MOB3B: variants seen among roughly 807,000 people sequenced by gnomAD.
MOB3B encodes MOB kinase activator 3B, also known as MOB kinase activator-like 2B.
Under a neutral mutation model 18.7 loss-of-function variants are expected in MOB3B, and 7 were observed. The observed-to-expected ratio is 0.37, with a 90% confidence interval of 0.21 to 0.70. MOB3B has a LOEUF of 0.70. MOB3B is among the 30% of genes least tolerant of loss of function. The probability of loss-of-function intolerance (pLI) is 0.52; values close to 1 mark genes in which losing one functional copy is unlikely to be tolerated. For synonymous variants in MOB3B, 111 were observed against 99.9 expected (o/e 1.11, Z -0.66); for missense variants, 253 against 281.3 (o/e 0.90, Z 0.72).
intron 1 of MOB3B, among the ~76,000 whole-genome samples, chr9:27,460,437 G>T (rs1439619310): frequency 1.3e-5 from 2 of 152,210 alleles, no homozygotes; most frequent in African/African-American, 2.4e-5. Flanking sequence ...CAACGCACTG[G>T]CAAGGAAAGT....
chr9:27,452,525 G>T (rs773061114), intron 2 of MOB3B, among the ~76,000 whole-genome samples: 6 of 152,062 alleles, frequency 3.9e-5, no homozygotes, highest in Non-Finnish European at 5.9e-5. Flanking sequence ...AAAAGTACAG[G>T]TTCATAAAGA....
At chr9:27,396,521 C>A (rs1219261001) in intron 2 of MOB3B, among the ~76,000 whole-genome samples, 16 of 152,280 alleles carry the variant, frequency 1.1e-4, no homozygotes, top group Non-Finnish European at 2.2e-4. Flanking sequence ...AACCAAGGAG[C>A]CCTAAATGAT....
chr9:27,520,941 T>G (rs1198004471), intron 1 of MOB3B, among the ~76,000 whole-genome samples: 1 of 152,228 alleles, frequency 6.6e-6, no homozygotes, highest in Non-Finnish European at 1.5e-5. Flanking sequence ...TGTTCTATAT[T>G]TTTATCTGCT....
intron 2 of MOB3B, among the ~76,000 whole-genome samples, chr9:27,430,133 T>G (rs1244738677): frequency 1.3e-5 from 2 of 152,198 alleles, no homozygotes; most frequent in Non-Finnish European, 2.9e-5. Context: ...CACTACTCCT[T>G]GACCTGGTAC....
chr9:27,473,138 G>A (rs1265234446), intron 1 of MOB3B, among the ~76,000 whole-genome samples: 3 of 152,152 alleles, frequency 2.0e-5, no homozygotes, highest in Non-Finnish European at 4.4e-5. Flanking sequence ...GACAGACAAG[G>A]GTAGTATGGC....
chr9:27,345,560 T>C (rs941337601), intron 3 of MOB3B, among the ~76,000 whole-genome samples: 1 of 152,160 alleles, frequency 6.6e-6, no homozygotes, highest in Admixed American at 6.5e-5. Context: ...TGCATGGTGG[T>C]TGCCCCCACA....
intron 3 of MOB3B, among the ~76,000 whole-genome samples, chr9:27,332,870 A>G (rs1227192939): frequency 6.6e-6 from 1 of 152,224 alleles, no homozygotes; most frequent in Non-Finnish European, 1.5e-5. Context: ...TGCTCTTTCT[A>G]CTACACCATG....
intron 2 of MOB3B, among the ~76,000 whole-genome samples, chr9:27,445,559 C>G (rs190552187): frequency 6.6e-6 from 1 of 152,184 alleles, no homozygotes; most frequent in African/African-American, 2.4e-5. Flanking sequence ...AAGACAAATG[C>G]CCCTGGCTGC....
At chr9:27,468,339 C>T (rs1819416643) in intron 1 of MOB3B, among the ~76,000 whole-genome samples, 2 of 152,164 alleles carry the variant, frequency 1.3e-5, no homozygotes, top group Non-Finnish European at 2.9e-5. Flanking sequence ...TATGTGGCTA[C>T]TGTCTGGGAA....
At chr9:27,436,590 T>G (rs1822505671) in intron 2 of MOB3B, among the ~76,000 whole-genome samples, 1 of 152,178 alleles carries the variant, frequency 6.6e-6, no homozygotes, top group Admixed American at 6.5e-5. Context: ...TAAATACAAG[T>G]TGAATTAGAC....
intron 1 of MOB3B, among the ~76,000 whole-genome samples, chr9:27,468,019 G>C (rs1365296518): frequency 6.6e-6 from 1 of 152,208 alleles, no homozygotes. Flanking sequence ...AGAGTGGCTT[G>C]GCTATGCAAA....
chr9:27,335,096 C>T (rs981369512), intron 3 of MOB3B, among the ~76,000 whole-genome samples: 2 of 152,324 alleles, frequency 1.3e-5, no homozygotes, highest in African/African-American at 2.4e-5. Context: ...TGAGCCACTG[C>T]GCCTGGCCCA....
intron 2 of MOB3B, among the ~76,000 whole-genome samples, chr9:27,436,677 C>T (rs899037173): frequency 6.6e-6 from 1 of 151,940 alleles, no homozygotes; most frequent in Admixed American, 6.6e-5. Context: ...TTTTATTTGA[C>T]TTTTTAGTAA....
intron 1 of MOB3B, among the ~76,000 whole-genome samples, chr9:27,490,319 T>C (rs1587253251): frequency 6.6e-6 from 1 of 152,016 alleles, no homozygotes; most frequent in African/African-American, 2.4e-5. Flanking sequence ...GTGCTCATGG[T>C]TTAGTGAGAG....
At chr9:27,403,848 C>T (rs755147379) in intron 2 of MOB3B, among the ~76,000 whole-genome samples, 3 of 152,092 alleles carry the variant, frequency 2.0e-5, no homozygotes, top group Non-Finnish European at 4.4e-5. Context: ...ATGTGATATT[C>T]TGATACAAGC....
rs1822276900 is a variant in MOB3B, at chr9:27,422,937, G to C, written c.418+32196C>G. On this transcript the variant is annotated intron_variant, in intron 2 of 3. Coordinates refer to ENST00000262244, the MANE Select transcript of MOB3B (RefSeq NM_024761.5). Reference sequence around the variant, plus strand: ...ATATCTTGATAGGGTCTGGAAAAAAGTGTTGTTCAATAGTCAATCTGGAAA... The same window carrying C: ...ATATCTTGATAGGGTCTGGAAAAAACTGTTGTTCAATAGTCAATCTGGAAA... 2.0e-5 allele frequency among the ~76,000 whole-genome samples: 3 copies of C among 152,158 alleles called. No individual in the cohort carries two copies. In the South Asian group the frequency reaches 6.2e-4, roughly 31 times the overall value.
chr9:27,388,935 C>T (rs1314763876), intron 2 of MOB3B, among the ~76,000 whole-genome samples: 1 of 152,170 alleles, frequency 6.6e-6, no homozygotes, highest in Non-Finnish European at 1.5e-5. Flanking sequence ...ACTGCCCTCG[C>T]CTGACCACTG....
At chr9:27,472,740 A>T (rs535560887) in intron 1 of MOB3B, among the ~76,000 whole-genome samples, 1 of 151,596 alleles carries the variant, frequency 6.6e-6, no homozygotes, top group South Asian at 2.1e-4. Context: ...TTGATTTTAT[A>T]TAAGCACCAG....
At chr9:27,511,585 TG>T (rs1303906496) in intron 1 of MOB3B, among the ~76,000 whole-genome samples, 2 of 152,144 alleles carry the variant, frequency 1.3e-5, no homozygotes, top group East Asian at 1.9e-4. Context: ...AAGGAAAGTA[TG>T]TTTTTTTTAA....
Sources: gnomAD v4.1 joint callset for allele counts (sites outside exome capture counted in the v4.1 genomes callset) on GRCh38, gnomAD v4.1.1 for gene constraint, MANE v1.5 for transcripts, NCBI Gene and HGNC (gene_info 2026-07-23, HGNC 2026-07-21) for gene names.